Variants in LYN observed in about 807,000 individuals in gnomAD.
The protein encoded by LYN is LYN proto-oncogene, Src family tyrosine kinase.
LYN carries 12 observed loss-of-function variants against 65.0 expected under a neutral mutation model. The ratio of observed to expected loss-of-function variants is 0.18; its 90% CI spans 0.12 to 0.30. The LOEUF (loss-of-function observed/expected upper bound fraction) is 0.30. Ranked by LOEUF, LYN falls within the 10% of genes least tolerant of loss-of-function variation. The probability of loss-of-function intolerance (pLI) is 1.00; values close to 1 mark genes in which losing one functional copy is unlikely to be tolerated. For missense variants in LYN, 380 were observed against 623.2 expected (o/e 0.61, Z 4.16); for synonymous variants, 222 against 221.2 (o/e 1.00, Z -0.03).
intron 10 of LYN, 81 bp from the exon 11 acceptor site, chr8:55,998,265 A>G (rs1024196085): frequency 1.4e-5 from 15 of 1,106,278 alleles, no homozygotes; most frequent in Admixed American, 2.1e-5. Context: ...TCAGGAATTC[A>G]TAAGTTTTCC....
rs1007981897 is a variant in LYN at position 56,003,216 on chromosome 8, C to T, written c.1336+3667C>T. Among the ~76,000 whole-genome samples the T allele has an allele frequency of 1.1e-4, 17 of 150,762 alleles. No individual in the cohort carries two copies. In the Middle Eastern group the frequency reaches 0.01, roughly 91 times the overall value. ...CTGGGACTACAGGTGCCCGCCACCA[C>T]GCCCAGCTAATTTTTTTTTTATTTT... On this transcript the variant is annotated intron_variant, in intron 12 of 12. Coordinates refer to ENST00000519728, the MANE Select transcript of LYN (RefSeq NM_002350.4).
At chr8:55,885,667 AC>A (rs1217551170) in intron 1 of LYN, among the ~76,000 whole-genome samples, 2 of 152,116 alleles carry the variant, frequency 1.3e-5, no homozygotes, top group African/African-American at 2.4e-5. Context: ...GTTAACCCCC[AC>A]GGAGGTGAGG....
intron 1 of LYN, among the ~76,000 whole-genome samples, chr8:55,923,976 C>T (rs1806021059): frequency 6.6e-6 from 1 of 151,850 alleles, no homozygotes; most frequent in Admixed American, 6.6e-5. Context: ...GGGATGTGTA[C>T]ACCCTGCCGC....
intron 1 of LYN, among the ~76,000 whole-genome samples, chr8:55,923,114 A>G (rs58506995): frequency 0.24 from 36,476 of 152,114 alleles, 5,180 homozygotes; most frequent in Middle Eastern, 0.39. Flanking sequence ...GGGTGACTGG[A>G]ATGGTGAGAA....
chr8:55,943,007 A>G (rs1174609956), intron 2 of LYN, among the ~76,000 whole-genome samples: 1 of 152,162 alleles, frequency 6.6e-6, no homozygotes, highest in Non-Finnish European at 1.5e-5. Flanking sequence ...AAACACCTCT[A>G]ATTCTGTCCC....
intron 1 of LYN, among the ~76,000 whole-genome samples, chr8:55,911,872 G>A (rs139531443): frequency 6.6e-6 from 1 of 152,274 alleles, no homozygotes; most frequent in African/African-American, 2.4e-5. Context: ...GAAGATGGGA[G>A]GGGAGTGGGT....
intron 1 of LYN, among the ~76,000 whole-genome samples, chr8:55,918,135 G>A (rs1025335412): frequency 1.3e-5 from 2 of 152,194 alleles, no homozygotes; most frequent in African/African-American, 4.8e-5. Flanking sequence ...ATGCTGGCTC[G>A]ACTCAGACAG....
intron 10 of LYN, among the ~76,000 whole-genome samples, chr8:55,986,171 A>T (rs957890859): frequency 6.8e-6 from 1 of 148,094 alleles, no homozygotes; most frequent in Admixed American, 6.7e-5. Context: ...TCTCAAAAAA[A>T]AAATCCACCA....
At chr8:55,898,667 G>A (rs1025699325) in intron 1 of LYN, among the ~76,000 whole-genome samples, 1 of 152,156 alleles carries the variant, frequency 6.6e-6, no homozygotes, top group African/African-American at 2.4e-5. Context: ...TTTTTAGTAT[G>A]TTCACAGAGT....
At chr8:56,001,197 G>A (rs1808501028) in intron 12 of LYN, among the ~76,000 whole-genome samples, 1 of 152,192 alleles carries the variant, frequency 6.6e-6, no homozygotes, top group South Asian at 2.1e-4. Flanking sequence ...ACAGGAGCAG[G>A]AGGCCAGCGT....
At chr8:55,955,686 C>T (rs576997159) in intron 8 of LYN, among the ~76,000 whole-genome samples, 8 of 152,326 alleles carry the variant, frequency 5.3e-5, no homozygotes, top group South Asian at 4.1e-4. Context: ...ACTCTTCATT[C>T]GCCCCACCCT....
intron 10 of LYN, among the ~76,000 whole-genome samples, chr8:55,984,382 G>A (rs1261164336): frequency 6.6e-6 from 1 of 152,150 alleles, no homozygotes; most frequent in Non-Finnish European, 1.5e-5. Context: ...CAAACTCAAT[G>A]CACCCCAACT....
intron 6 of LYN, among the ~76,000 whole-genome samples, chr8:55,951,020 A>G (rs116411256): frequency 0.015 from 2,310 of 151,544 alleles, 66 homozygotes; most frequent in African/African-American, 0.053. Context: ...AGGCGAGAGG[A>G]TCACTTGAGT....
At chr8:55,888,172 C>T (rs979248764) in intron 1 of LYN, among the ~76,000 whole-genome samples, 10 of 152,182 alleles carry the variant, frequency 6.6e-5, no homozygotes, top group Admixed American at 2.0e-4. Flanking sequence ...CTGGGAGTCC[C>T]GCACAGTGTT....
chr8:55,896,098 C>T (rs1805088304), intron 1 of LYN, among the ~76,000 whole-genome samples: 1 of 150,528 alleles, frequency 6.6e-6, no homozygotes, highest in Non-Finnish European at 1.5e-5. Context: ...AGGGGTAAAG[C>T]AATTAAAAAA....
intron 1 of LYN, among the ~76,000 whole-genome samples, chr8:55,935,810 G>A (rs1316772414): frequency 6.6e-6 from 1 of 150,910 alleles, no homozygotes; most frequent in Non-Finnish European, 1.5e-5. Context: ...AGGAATTTGG[G>A]AAAATTGATG....
At chr8:55,894,342 G>C (rs1012006741) in intron 1 of LYN, among the ~76,000 whole-genome samples, 2 of 151,436 alleles carry the variant, frequency 1.3e-5, no homozygotes, top group African/African-American at 4.8e-5. Flanking sequence ...TGGGACTAGA[G>C]GTGCATGCCA....
chr8:55,881,208 T>C (rs1804645116), intron 1 of LYN, among the ~76,000 whole-genome samples: 1 of 152,200 alleles, frequency 6.6e-6, no homozygotes, highest in Non-Finnish European at 1.5e-5. Flanking sequence ...TCTTTGCAGC[T>C]TGGTGATGTT....
intron 12 of LYN, among the ~76,000 whole-genome samples, chr8:56,003,062 GTTTTTTT>G (rs749463299): frequency 2.2e-5 from 3 of 136,864 alleles, no homozygotes; most frequent in African/African-American, 8.0e-5. Flanking sequence ...TTTGTTTTTT[GTTTTTTT>G]TTTTTTTTGA....
Sources: gnomAD v4.1 joint callset for allele counts (sites outside exome capture counted in the v4.1 genomes callset) on GRCh38, gnomAD v4.1.1 for gene constraint, MANE v1.5 for transcripts, NCBI Gene and HGNC (gene_info 2026-07-23, HGNC 2026-07-21) for gene names.